DYRK1A: variants seen among roughly 807,000 people sequenced by gnomAD.
The protein encoded by DYRK1A is dual specificity tyrosine phosphorylation regulated kinase 1A, also known as dual specificity tyrosine-phosphorylation-regulated kinase 1A.
Under a neutral mutation model 79.7 loss-of-function variants are expected in DYRK1A, and 9 were observed. The observed-to-expected ratio is 0.11, with a 90% confidence interval of 0.07 to 0.20. The LOEUF is 0.20. Ranked by LOEUF, DYRK1A falls within the 10% of genes least tolerant of loss-of-function variation. The pLI, the probability that DYRK1A is intolerant of heterozygous loss-of-function variation, is 1.00. For missense variants in DYRK1A, 622 were observed against 956.0 expected, an observed-to-expected ratio of 0.65 and a Z score of 4.61; for synonymous variants, 349 against 329.7, an observed-to-expected ratio of 1.06 and a Z score of -0.63.
intron 2 of DYRK1A, among the ~76,000 whole-genome samples, chr21:37,422,523 C>A (rs928086182): frequency 6.6e-6 from 1 of 152,094 alleles, no homozygotes; most frequent in Non-Finnish European, 1.5e-5. Flanking sequence ...ATGGTACTGG[C>A]TTTGTTCTGT....
chr21:37,492,030 G>A (rs2053114122), intron 7 of DYRK1A, among the ~76,000 whole-genome samples: 1 of 152,186 alleles, frequency 6.6e-6, no homozygotes, highest in African/African-American at 2.4e-5. Context: ...TAGATAGGGA[G>A]GTGACAAAGT....
intron 2 of DYRK1A, among the ~76,000 whole-genome samples, chr21:37,452,633 C>T (rs773347914): frequency 1.3e-5 from 2 of 152,106 alleles, no homozygotes; most frequent in Non-Finnish European, 2.9e-5. Context: ...TATTTGCCTT[C>T]CCTGTCATAG....
intron 5 of DYRK1A, among the ~76,000 whole-genome samples, chr21:37,484,880 G>A (rs576604214): frequency 2.0e-5 from 3 of 152,224 alleles, no homozygotes; most frequent in South Asian, 2.1e-4. Context: ...TCCCCTCTTG[G>A]GCTGAGGTGT....
chr21:37,478,709 C>T (rs2052491861), intron 4 of DYRK1A, among the ~76,000 whole-genome samples: 1 of 152,076 alleles, frequency 6.6e-6, no homozygotes, highest in Admixed American at 6.5e-5. Context: ...TGTCAGGAAG[C>T]TCTGAAATAT....
chr21:37,449,801 C>T (rs770033691), intron 2 of DYRK1A, among the ~76,000 whole-genome samples: 9 of 152,230 alleles, frequency 5.9e-5, no homozygotes, highest in Admixed American at 2.0e-4. Flanking sequence ...GGTGATGGCC[C>T]GCATTCTTCA....
intron 9 of DYRK1A, among the ~76,000 whole-genome samples, chr21:37,500,358 C>T (rs1181909113): frequency 6.6e-6 from 1 of 152,128 alleles, no homozygotes; most frequent in Non-Finnish European, 1.5e-5. Flanking sequence ...ATATATATTG[C>T]TCAGTTCAAT....
At chr21:37,397,947 A>G (rs1488104252) in intron 1 of DYRK1A, among the ~76,000 whole-genome samples, 3 of 151,898 alleles carry the variant, frequency 2.0e-5, no homozygotes, top group Non-Finnish European at 4.4e-5. Context: ...ATTTAAAAGT[A>G]CCGTAAAAGA....
At position 37,413,059 on chromosome 21, in the gene DYRK1A, G is replaced by A. The variant is rs1271204159; in HGVS notation, c.-76-7240G>A. Reference sequence around the variant, plus strand: ...TGAAAGAGACATGGATTATTTGGAGGATAGCTAGTGTTGTGAAATACAAGA... The same window carrying A: ...TGAAAGAGACATGGATTATTTGGAGAATAGCTAGTGTTGTGAAATACAAGA... On this transcript the variant is annotated intron_variant, in intron 1 of 11. Transcript: ENST00000647188. Among the ~76,000 whole-genome samples, 5 of 152,182 alleles carry A rather than the reference G, an allele frequency of 3.3e-5. No homozygotes were observed. In the East Asian group the frequency reaches 5.8e-4, roughly 18 times the overall value.
intron 2 of DYRK1A, among the ~76,000 whole-genome samples, chr21:37,440,006 G>C (rs2051044852): frequency 6.6e-6 from 1 of 151,418 alleles, no homozygotes. Context: ...ATTTTGTTTA[G>C]AATTTTTATA....
intron 6 of DYRK1A, chr21:37,487,939 A>T (rs954449928): frequency 1.3e-5 from 2 of 152,142 alleles, no homozygotes; most frequent in African/African-American, 2.4e-5. Flanking sequence ...AAGCACATCA[A>T]GGACATTCTA....
At chr21:37,495,801 TA>T (rs199953541) in intron 8 of DYRK1A, among the ~76,000 whole-genome samples, 1 of 152,070 alleles carries the variant, frequency 6.6e-6, no homozygotes, top group Admixed American at 6.5e-5. Flanking sequence ...AATAAGTAAA[TA>T]AAAAAAATTT....
At chr21:37,473,431 C>T (rs2052294977) in intron 3 of DYRK1A, among the ~76,000 whole-genome samples, 1 of 152,160 alleles carries the variant, frequency 6.6e-6, no homozygotes, top group African/African-American at 2.4e-5. Context: ...GGTACTCACA[C>T]ACACATACAC....
chr21:37,391,077 G>C (rs1357762872), intron 1 of DYRK1A, among the ~76,000 whole-genome samples: 5 of 152,188 alleles, frequency 3.3e-5, no homozygotes, highest in Admixed American at 1.3e-4. Context: ...ATTATTAAAA[G>C]TTTCTTTTAT....
At chr21:37,510,138 T>G (rs1282610690) in intron 11 of DYRK1A, among the ~76,000 whole-genome samples, 1 of 152,232 alleles carries the variant, frequency 6.6e-6, no homozygotes, top group Non-Finnish European at 1.5e-5. Flanking sequence ...ACATGTCTCA[T>G]TCACACATAG....
intron 1 of DYRK1A, chr21:37,375,230 T>C (rs2049513736): frequency 6.6e-6 from 1 of 152,214 alleles, no homozygotes; most frequent in Non-Finnish European, 1.5e-5. Flanking sequence ...AGTGAATGTT[T>C]AAAGGTTAAG....
chr21:37,495,192 G>A (rs1329129412), intron 8 of DYRK1A, among the ~76,000 whole-genome samples: 1 of 125,266 alleles, frequency 8.0e-6, no homozygotes, highest in Non-Finnish European at 1.7e-5. Context: ...GTGTGTGTGT[G>A]TGTGTGTGTG....
intron 7 of DYRK1A, among the ~76,000 whole-genome samples, chr21:37,491,474 GT>G (rs1266443785): frequency 2.0e-5 from 3 of 152,028 alleles, no homozygotes; most frequent in Non-Finnish European, 2.9e-5. Flanking sequence ...TTCCAAATTA[GT>G]GAAATTTTCT....
rs554639950 is a variant in DYRK1A, at chr21:37,520,569, T to C, written c.*8038T>C. 6.7e-6 allele frequency: 1 copy of C among 150,172 alleles called. No homozygotes were observed. Among genetic ancestry groups the C allele is most frequent in the South Asian group, 2.1e-4 (1 of 4,824 alleles). 9.3% of individuals were successfully genotyped at this position (150,172 alleles called of 1,614,324 possible). ...AAAATGTCTTAGGATAAAAGTCTGTTTGTTTGCATTAGACTATACATGATT... is the reference window on the plus strand; with the variant it reads ...AAAATGTCTTAGGATAAAAGTCTGTCTGTTTGCATTAGACTATACATGATT... On this transcript the variant is annotated 3_prime_UTR_variant, in exon 12 of 12. Coordinates refer to ENST00000647188, the MANE Select transcript of DYRK1A (RefSeq NM_001347721.2).
intron 1 of DYRK1A, among the ~76,000 whole-genome samples, chr21:37,405,463 TC>T (rs1303645829): frequency 6.6e-6 from 1 of 152,192 alleles, no homozygotes; most frequent in East Asian, 1.9e-4. Context: ...CATGACTCCT[TC>T]CGTCTTTCAT....
Sources: allele counts gnomAD v4.1 joint callset (sites outside exome capture counted in the v4.1 genomes callset), GRCh38; gene constraint gnomAD v4.1.1; transcripts MANE v1.5; gene names NCBI Gene and HGNC (gene_info 2026-07-23, HGNC 2026-07-21).